SLC35F3: variants seen among roughly 807,000 people sequenced by gnomAD.
SLC35F3 encodes the protein putative thiamine transporter SLC35F3.
Under a neutral mutation model 49.9 loss-of-function variants are expected in SLC35F3, and 25 were observed. The ratio of observed to expected loss-of-function variants is 0.50; its 90% confidence interval spans 0.37 to 0.70. The LOEUF is 0.70. SLC35F3 is among the 30% of genes least tolerant of loss of function. The probability of loss-of-function intolerance (pLI) is 0.00; values close to 1 mark genes in which losing one functional copy is unlikely to be tolerated. For missense variants in SLC35F3, 525 were observed against 639.8 expected, an observed-to-expected ratio of 0.82 and a Z score of 1.94; for synonymous variants, 275 against 265.4, an observed-to-expected ratio of 1.04 and a Z score of -0.35.
chr1:234,038,757 C>T (rs966799300), intron 2 of SLC35F3, among the ~76,000 whole-genome samples: 2 of 152,096 alleles, frequency 1.3e-5, no homozygotes, highest in Non-Finnish European at 2.9e-5. Flanking sequence ...TTCTGGCTGC[C>T]CTCTGGAGTC....
intron 3 of SLC35F3, among the ~76,000 whole-genome samples, chr1:234,252,350 G>A (rs111383358): frequency 1.1e-4 from 16 of 152,286 alleles, no homozygotes; most frequent in Admixed American, 2.0e-4. Context: ...GATTATAGGC[G>A]TGAGCTACCA....
At chr1:234,276,133 T>C (rs1310105308) in intron 3 of SLC35F3, among the ~76,000 whole-genome samples, 2 of 152,196 alleles carry the variant, frequency 1.3e-5, no homozygotes, top group Non-Finnish European at 1.5e-5. Context: ...CACCCCTTTT[T>C]ACAGTTAATT....
chr1:234,074,336 C>T (rs1165368770), intron 2 of SLC35F3, among the ~76,000 whole-genome samples: 1 of 152,210 alleles, frequency 6.6e-6, no homozygotes, highest in South Asian at 2.1e-4. Flanking sequence ...AATGATTGAA[C>T]ACTGGGCACT....
intron 2 of SLC35F3, among the ~76,000 whole-genome samples, chr1:234,144,019 A>C (rs1272592295): frequency 6.6e-6 from 1 of 152,202 alleles, no homozygotes; most frequent in Non-Finnish European, 1.5e-5. Flanking sequence ...ACAAGAAAGA[A>C]GGTGTCCCAC....
chr1:233,956,358 T>C (rs1191713617), intron 2 of SLC35F3, among the ~76,000 whole-genome samples: 5 of 152,244 alleles, frequency 3.3e-5, no homozygotes, highest in Non-Finnish European at 7.4e-5. Context: ...CAGGTATTTG[T>C]AGGAGGCAAA....
intron 2 of SLC35F3, among the ~76,000 whole-genome samples, chr1:234,177,808 A>G (rs1666498396): frequency 6.6e-6 from 1 of 152,244 alleles, no homozygotes; most frequent in African/African-American, 2.4e-5. Context: ...ATATTGGAAC[A>G]TATGGATTGG....
In SLC35F3 at chr1:234,281,749, C is replaced by T. The variant is rs562704638; in HGVS notation, c.609-27352C>T. On this transcript the variant is annotated intron_variant, in intron 3 of 7. Transcript: ENST00000366618. ...CTCCAAGGTGACCTTCAAATGGCTC[C>T]ACCTTTCGCTTGGAAAGAGATGCCC... Among the ~76,000 whole-genome samples the T allele has an allele frequency of 9.2e-5, 14 of 152,242 alleles. 1 individual carries two copies. The highest frequency in any genetic ancestry group is 3.1e-4 in the African/African-American group (13 of 41,532).
chr1:234,243,760 T>C (rs1328397997), intron 3 of SLC35F3, among the ~76,000 whole-genome samples: 2 of 152,184 alleles, frequency 1.3e-5, no homozygotes, highest in Non-Finnish European at 2.9e-5. Context: ...AGATCCCTGC[T>C]CCTGCTACAG....
rs115199772 is a variant in SLC35F3 at position 234,284,270 on chromosome 1, A to G, written c.609-24831A>G. ...TGTAGATGACAAAATGGAGGCTCAG[A>G]GAAGAAAATTAACTTTCCCAAGATC... On this transcript the variant is annotated intron_variant, in intron 3 of 7. Coordinates refer to ENST00000366618, the MANE Select transcript of SLC35F3 (RefSeq NM_173508.4). Among the ~76,000 whole-genome samples, 1,258 of 152,294 alleles carry G rather than the reference A, an allele frequency of 8.3e-3. 18 individuals carry two copies. Among genetic ancestry groups the G allele is most frequent in the African/African-American group, 0.028 (1,162 of 41,538 alleles).
At chr1:234,241,735 C>CA (rs34326038) in intron 3 of SLC35F3, among the ~76,000 whole-genome samples, 5,136 of 89,720 alleles carry the variant, frequency 0.057, 166 homozygotes, top group Non-Finnish European at 0.088. Flanking sequence ...CACTCTGTCT[C>CA]AAAAAAAAAA....
intron 2 of SLC35F3, among the ~76,000 whole-genome samples, chr1:234,188,201 C>A (rs1666675495): frequency 6.6e-6 from 1 of 151,128 alleles, no homozygotes; most frequent in Non-Finnish European, 1.5e-5. Context: ...CGGGCCACTG[C>A]ACTCCAGCCT....
At chr1:234,052,403 A>C (rs1370384721) in intron 2 of SLC35F3, among the ~76,000 whole-genome samples, 1 of 152,166 alleles carries the variant, frequency 6.6e-6, no homozygotes, top group Non-Finnish European at 1.5e-5. Flanking sequence ...CATTTCTTCT[A>C]GATTTTCTAG....
At position 234,323,024 on chromosome 1, in the gene SLC35F3, C is replaced by T. The variant is rs1252476028; in HGVS notation, c.1254C>T (p.Thr418=). 2.5e-6 allele frequency: 4 copies of T among 1,613,884 alleles called. No homozygotes were observed. Among genetic ancestry groups the T allele is most frequent in the Non-Finnish European group, 3.4e-6 (4 of 1,179,996 alleles). Residue 418 remains threonine (T), a synonymous_variant, in exon 8 of 8, where the codon ACC becomes ACT. Coordinates refer to ENST00000366618, the MANE Select transcript of SLC35F3 (RefSeq NM_173508.4). The surrounding 1 kb of genome is among the most constrained non-coding windows in gnomAD (Gnocchi z 4.5). ...IPVNAVIDHY[T]SQIVFNGVRV... Reference sequence around the variant, plus strand: ...CTCCCACAGTGATTGATCACTACACCAGTCAGATCGTCTTCAATGGGGTCC... The same window carrying T: ...CTCCCACAGTGATTGATCACTACACTAGTCAGATCGTCTTCAATGGGGTCC...
intron 2 of SLC35F3, among the ~76,000 whole-genome samples, chr1:234,095,699 C>A (rs1665105703): frequency 6.6e-6 from 1 of 152,198 alleles, no homozygotes; most frequent in Non-Finnish European, 1.5e-5. Flanking sequence ...TCCCAGGAGT[C>A]AACCTACTTG....
At chr1:233,939,308 G>T (rs1662384723) in intron 2 of SLC35F3, among the ~76,000 whole-genome samples, 1 of 151,938 alleles carries the variant, frequency 6.6e-6, no homozygotes, top group South Asian at 2.1e-4. Flanking sequence ...TTAAAAAATT[G>T]GTTGGGTATG....
At chr1:234,119,779 A>G (rs974414547) in intron 2 of SLC35F3, among the ~76,000 whole-genome samples, 2 of 152,254 alleles carry the variant, frequency 1.3e-5, no homozygotes, top group South Asian at 4.1e-4. Flanking sequence ...GTAGCAGATG[A>G]GAAGCTGAAA....
intron 2 of SLC35F3, among the ~76,000 whole-genome samples, chr1:233,942,862 C>T (rs1662450820): frequency 6.6e-6 from 1 of 152,148 alleles, no homozygotes; most frequent in Non-Finnish European, 1.5e-5. Flanking sequence ...TCCATTTCTC[C>T]CTCTCCCCAG....
intron 2 of SLC35F3, among the ~76,000 whole-genome samples, chr1:234,162,910 G>A (rs529008151): frequency 4.6e-5 from 7 of 152,312 alleles, no homozygotes; most frequent in South Asian, 4.1e-4. Context: ...CTAATTCATA[G>A]AGAGGGTACC....
chr1:234,109,027 ATTC>A (rs1320347333), intron 2 of SLC35F3, among the ~76,000 whole-genome samples: 3 of 151,852 alleles, frequency 2.0e-5, no homozygotes, highest in African/African-American at 7.3e-5. Context: ...GGAGTGGAGT[ATTC>A]TACTTGTGAA....
Sources: gnomAD v4.1 joint callset for allele counts (sites outside exome capture counted in the v4.1 genomes callset) on GRCh38, gnomAD v4.1.1 for gene constraint, Gnocchi (gnomAD v3.1) non-coding constraint, MANE v1.5 for transcripts, NCBI Gene and HGNC (gene_info 2026-07-23, HGNC 2026-07-21) for gene names.